The following ACOT9 variants were observed in gnomAD, a reference collection of about 807,000 sequenced individuals.
The protein encoded by ACOT9 is acyl-CoA thioesterase 9, also known as acyl-coenzyme A thioesterase 9, mitochondrial.
A neutral mutation model predicts 39.7 loss-of-function variants in ACOT9; 34 were observed. That is an observed-to-expected ratio of 0.86 (90% CI 0.65 to 1.14). The LOEUF (loss-of-function observed/expected upper bound fraction) is 1.14, where lower values mean the gene tolerates loss of function less well. Among genes scored for constraint, ACOT9 ranks in the 50% most tolerant of loss-of-function variants. The probability of loss-of-function intolerance (pLI) is 0.00; values close to 1 mark genes in which losing one functional copy is unlikely to be tolerated. For synonymous variants in ACOT9, 110 were observed against 120.5 expected, an observed-to-expected ratio of 0.91 and a Z score of 0.57; for missense variants, 313 against 344.1, an observed-to-expected ratio of 0.91 and a Z score of 0.71.
chrX:23,727,413 C>T (rs1037225262), intron 6 of ACOT9, among the ~76,000 whole-genome samples: 3 of 110,709 alleles, frequency 2.7e-5, no homozygotes, highest in Non-Finnish European at 5.7e-5. Context: ...GCAGCCTCGA[C>T]TTCCTGGGCT....
At chrX:23,718,060 C>T (rs2146829850) in intron 8 of ACOT9, among the ~76,000 whole-genome samples, 1 of 101,394 alleles carries the variant, frequency 9.9e-6, no homozygotes, top group South Asian at 4.9e-4. Context: ...TGCACTCCAG[C>T]CTGGGTGACA....
intron 1 of ACOT9, among the ~76,000 whole-genome samples, chrX:23,738,745 A>G (rs1930031359): frequency 1.8e-5 from 2 of 112,316 alleles, no homozygotes; most frequent in African/African-American, 6.5e-5. Context: ...GAACTATAAT[A>G]GACACGTTAA....
intron 1 of ACOT9, among the ~76,000 whole-genome samples, chrX:23,740,191 C>A (rs763678266): frequency 3.3e-4 from 36 of 108,060 alleles, no homozygotes; most frequent in African/African-American, 1.2e-3. Context: ...ACTGCAACCT[C>A]CACCTCCCGA....
At chrX:23,720,079 C>T (rs984162806) in intron 8 of ACOT9, among the ~76,000 whole-genome samples, 4 of 112,560 alleles carry the variant, frequency 3.6e-5, no homozygotes, top group Non-Finnish European at 5.6e-5. Flanking sequence ...GTGATCTGCC[C>T]GCCTTGGCCT....
chrX:23,704,118 C>G, intron 15 of ACOT9, 136 bp from the exon 16 acceptor site: 1 of 474,036 alleles, frequency 2.1e-6, no homozygotes, highest in Non-Finnish European at 3.7e-6. Context: ...GTGCCACATT[C>G]CCAAAGGAGC....
chrX:23,706,721 ATTC>A lies in ACOT9; in HGVS notation c.746_748del (p.Arg249del). The A allele has an allele frequency of 8.4e-7, 1 of 1,196,305 alleles. No homozygotes were observed. The highest frequency in any genetic ancestry group is 1.1e-6 in the Non-Finnish European group (1 of 883,823). The stretch of plus-strand genomic sequence containing the variant: ...CAGTAACGACGTGGAGCTGAAGGCA[ATTC>A]TTCTCCCCTTGTTCACTGGAACAAG... On this transcript the variant is annotated inframe_deletion, in exon 11 of 16. Coordinates refer to ENST00000379303, the MANE Select transcript of ACOT9 (RefSeq NM_001037171.2).
At position 23,701,095 on chromosome X, in the gene ACOT9, AT is replaced by A. The variant is rs1241100595; in HGVS notation, c.*2798del. Reference sequence around the variant, plus strand: ...GATATTTACTGCAACATTGTTTATAATAGCAAAAAAGAAATACTAGAAAAAG... The same window carrying A: ...GATATTTACTGCAACATTGTTTATAAAGCAAAAAAGAAATACTAGAAAAAG... On this transcript the variant is annotated 3_prime_UTR_variant, in exon 16 of 16. Transcript: ENST00000379303. Among the ~76,000 whole-genome samples the A allele has an allele frequency of 8.9e-6, 1 of 112,166 alleles. No homozygotes were observed. Among genetic ancestry groups the A allele is most frequent in the East Asian group, 2.8e-4 (1 of 3,623 alleles).
rs1450745691 is a variant in ACOT9, at chrX:23,703,902, C to T, written c.1339G>A (p.Glu447Lys). The T allele has an allele frequency of 1.7e-6, 2 of 1,209,614 alleles. No homozygotes were observed. The highest frequency in any genetic ancestry group is 1.1e-6 in the Non-Finnish European group (1 of 893,846). ...CAACAAATGTGGTGTTCTTAGGGCT[C>T]CACAAGGTAGTCCTTTCTCAAGGTC... is the stretch of plus-strand genomic sequence containing the variant. ...PATLRKDYLV[E>K]P The change falls in exon 16 of 16, where the codon GAG becomes AAG. Residue 447 changes from glutamate (E) to lysine (K), a missense_variant. By Grantham distance (56) the Glu-to-Lys change is moderately conservative. Coordinates refer to ENST00000379303, the MANE Select transcript of ACOT9 (RefSeq NM_001037171.2).
In ACOT9 at chrX:23,731,004, A is replaced by G; in HGVS notation, c.192-18T>C. ...CATGGTCTCTGAGAAGAAAGGATGCAGGATTCATAAAACAAGAGCAGTTCT... is the reference window on the plus strand; with the variant it reads ...CATGGTCTCTGAGAAGAAAGGATGCGGGATTCATAAAACAAGAGCAGTTCT... On this transcript the variant is annotated intron_variant, in intron 4 of 15. Coordinates refer to ENST00000379303, the MANE Select transcript of ACOT9 (RefSeq NM_001037171.2). 1 of 1,195,515 alleles carries G rather than the reference A, an allele frequency of 8.4e-7. No homozygotes were observed. The highest frequency in any genetic ancestry group is 1.1e-6 in the Non-Finnish European group (1 of 884,188).
At chrX:23,705,710 T>C in intron 12 of ACOT9, 58 bp downstream of exon 12, 1 of 1,140,187 alleles carries the variant, frequency 8.8e-7, no homozygotes, top group Non-Finnish European at 1.2e-6. Flanking sequence ...TGTCAAATCT[T>C]GGACAAATAT....
chrX:23,743,064 G>A (rs777739977), intron 1 of ACOT9, 61 bp downstream of exon 1: 2 of 1,110,101 alleles, frequency 1.8e-6, no homozygotes, highest in East Asian at 7.4e-5. Flanking sequence ...GAAGCTCTAG[G>A]GGAAGACGAT....
At chrX:23,708,360 G>A (rs1235655059) in intron 9 of ACOT9, among the ~76,000 whole-genome samples, 1 of 110,158 alleles carries the variant, frequency 9.1e-6, no homozygotes, top group Non-Finnish European at 1.9e-5. Context: ...GAGAAACCTC[G>A]TTTCTACTAA....
chrX:23,713,845 A>G (rs1388945179), intron 8 of ACOT9, among the ~76,000 whole-genome samples: 1 of 110,953 alleles, frequency 9.0e-6, no homozygotes, highest in African/African-American at 3.3e-5. Context: ...CAGCCTAGGC[A>G]ACATAGCGAG....
intron 2 of ACOT9, 88 bp downstream of exon 2, chrX:23,735,831 C>A: frequency 2.6e-6 from 2 of 783,244 alleles, no homozygotes; most frequent in South Asian, 2.8e-5. Context: ...GCCTCATTTG[C>A]TCTAAACTAT....
Position 23,722,708 on chromosome X carries a change from G to A in ACOT9, c.446C>T (p.Ser149Phe). 1.7e-6 allele frequency: 2 copies of A among 1,204,993 alleles called. No homozygotes were observed. The highest frequency in any genetic ancestry group is 2.2e-6 in the Non-Finnish European group (2 of 890,519). ...CAGGGCTGTAACTATCGATAAAGGA[G>A]ACATCTTGGCGGAGTGGATTTTGTT... ...MHNKIHSAKM[S>F]PLSIVTALVD... The change falls in exon 7 of 16, where the codon TCT (serine) becomes TTT (phenylalanine). Residue 149 changes from serine (S) to phenylalanine (F), a missense_variant. Transcript: ENST00000379303.
chrX:23,739,033 G>GT (rs778406261), intron 1 of ACOT9, among the ~76,000 whole-genome samples: 4 of 111,772 alleles, frequency 3.6e-5, no homozygotes, highest in African/African-American at 6.5e-5. Flanking sequence ...CGAGGCAGGC[G>GT]TATCACTTGA....
chrX:23,730,689 C>G (rs1224605077), intron 5 of ACOT9, 125 bp from the exon 6 acceptor site: 40 of 949,051 alleles, frequency 4.2e-5, no homozygotes, highest in Middle Eastern at 3.7e-4. Context: ...GCACAACTCT[C>G]TAAATATATC....
chrX:23,725,188 G>A (rs1307157300), intron 6 of ACOT9, among the ~76,000 whole-genome samples: 2 of 110,530 alleles, frequency 1.8e-5, no homozygotes, highest in African/African-American at 6.6e-5. Flanking sequence ...TGATAAAGAT[G>A]AGCCAGGCGC....
intron 8 of ACOT9, among the ~76,000 whole-genome samples, chrX:23,717,010 AC>A (rs1326822582): frequency 2.7e-5 from 3 of 110,585 alleles, no homozygotes; most frequent in Non-Finnish European, 3.8e-5. Context: ...ACGTGGCACC[AC>A]CCCCAGCTAA....
Sources: gnomAD v4.1 joint callset for allele counts (sites outside exome capture counted in the v4.1 genomes callset) on GRCh38, gnomAD v4.1.1 for gene constraint, MANE v1.5 for transcripts, NCBI Gene and HGNC (gene_info 2026-07-23, HGNC 2026-07-21) for gene names.